The following PTPRD variants were observed in gnomAD, a reference collection of about 807,000 sequenced individuals.
PTPRD encodes receptor-type tyrosine-protein phosphatase delta.
A neutral mutation model predicts 214.5 loss-of-function variants in PTPRD; 34 were observed. The observed-to-expected ratio is 0.16, with a 90% CI of 0.12 to 0.21. The LOEUF (loss-of-function observed/expected upper bound fraction) is 0.21, where lower values mean the gene tolerates loss of function less well. PTPRD is among the 10% of genes least tolerant of loss of function. The probability of loss-of-function intolerance (pLI) is 1.00; values close to 1 mark genes in which losing one functional copy is unlikely to be tolerated. For synonymous variants in PTPRD, 1,128 were observed against 845.7 expected (o/e 1.33, Z -5.79); for missense variants, 2,545 against 2,398.7 (o/e 1.06, Z -1.27).
chr9:9,953,493 G>GACACACACAC (rs59836734), intron 4 of PTPRD, among the ~76,000 whole-genome samples: 3 of 145,226 alleles, frequency 2.1e-5, no homozygotes, highest in African/African-American at 7.5e-5. Context: ...GGGAATTGTG[G>GACACACACAC]ACACACACAC....
chr9:9,946,405 G>A (rs984775491), intron 4 of PTPRD, among the ~76,000 whole-genome samples: 1 of 152,092 alleles, frequency 6.6e-6, no homozygotes, highest in Non-Finnish European at 1.5e-5. Context: ...CATGTAAGAG[G>A]TTATACGTTA....
intron 11 of PTPRD, among the ~76,000 whole-genome samples, chr9:8,796,244 G>C (rs2096417749): frequency 6.6e-6 from 1 of 152,140 alleles, no homozygotes; most frequent in South Asian, 2.1e-4. Context: ...CAAGTTTTAA[G>C]TAAATTTTAA....
intron 5 of PTPRD, among the ~76,000 whole-genome samples, chr9:9,775,700 T>C (rs928257100): frequency 6.6e-6 from 1 of 152,026 alleles, no homozygotes; most frequent in African/African-American, 2.4e-5. Flanking sequence ...TCCCAGCACT[T>C]TGGGAGGCCA....
chr9:9,992,688 A>T (rs950970577), intron 4 of PTPRD, among the ~76,000 whole-genome samples: 1 of 152,128 alleles, frequency 6.6e-6, no homozygotes, highest in African/African-American at 2.4e-5. Context: ...TTACGAGCAA[A>T]CTATGGCAAG....
intron 11 of PTPRD, among the ~76,000 whole-genome samples, chr9:8,997,043 C>G (rs74711829): frequency 0.048 from 7,358 of 152,128 alleles, 606 homozygotes; most frequent in African/African-American, 0.17. Flanking sequence ...AATTCTTCCT[C>G]AGTTTCCTGC....
intron 7 of PTPRD, among the ~76,000 whole-genome samples, chr9:9,625,668 G>A (rs2095404695): frequency 1.3e-5 from 2 of 151,814 alleles, no homozygotes; most frequent in African/African-American, 2.4e-5. Context: ...GTATAACTAC[G>A]GGAAATCTCT....
chr9:10,099,541 C>T (rs1375429026), intron 3 of PTPRD, among the ~76,000 whole-genome samples: 2 of 151,652 alleles, frequency 1.3e-5, no homozygotes, highest in Non-Finnish European at 3.0e-5. Context: ...TTGCAATTAA[C>T]TGAATTATTT....
intron 11 of PTPRD, among the ~76,000 whole-genome samples, chr9:8,764,505 T>C (rs1334837321): frequency 6.6e-6 from 1 of 152,064 alleles, no homozygotes; most frequent in African/African-American, 2.4e-5. Context: ...CTCTAAAGAA[T>C]GGGTTATTTG....
intron 5 of PTPRD, among the ~76,000 whole-genome samples, chr9:9,884,103 G>A (rs1242726283): frequency 6.6e-6 from 1 of 152,058 alleles, no homozygotes; most frequent in Non-Finnish European, 1.5e-5. Flanking sequence ...AGTAAACACA[G>A]CTGAGAATAT....
intron 9 of PTPRD, among the ~76,000 whole-genome samples, chr9:9,194,484 T>C (rs905031521): frequency 8.5e-5 from 13 of 152,170 alleles, no homozygotes; most frequent in Non-Finnish European, 1.8e-4. Flanking sequence ...GAATAATGTG[T>C]TGTGCTACAA....
At chr9:10,267,169 C>A (rs1325360009) in intron 3 of PTPRD, among the ~76,000 whole-genome samples, 25 of 132,060 alleles carry the variant, frequency 1.9e-4, no homozygotes, top group African/African-American at 7.0e-4. Context: ...CCAGCCCGGG[C>A]GACAGAGTGA....
At chr9:9,329,354 A>C (rs1201624869) in intron 9 of PTPRD, among the ~76,000 whole-genome samples, 1 of 152,194 alleles carries the variant, frequency 6.6e-6, no homozygotes, top group African/African-American at 2.4e-5. Context: ...TCATCTTTTC[A>C]TAACTAAGAG....
At chr9:9,417,782 A>G (rs578120294) in intron 8 of PTPRD, among the ~76,000 whole-genome samples, 11 of 152,202 alleles carry the variant, frequency 7.2e-5, no homozygotes, top group African/African-American at 2.4e-4. Flanking sequence ...AATGAGATCA[A>G]CTTGCCAATT....
chr9:8,767,278 C>T (rs763875193), intron 11 of PTPRD, among the ~76,000 whole-genome samples: 6 of 152,134 alleles, frequency 3.9e-5, no homozygotes, highest in African/African-American at 1.4e-4. Flanking sequence ...CCACCACAAC[C>T]AGCTAATTTT....
chr9:8,504,336 A>G lies in PTPRD; in HGVS notation c.1747T>C (p.Phe583Leu). Residue 583 changes from phenylalanine to leucine, a missense_variant, in exon 23 of 46, where the codon TTC (phenylalanine) becomes CTC (leucine). Physicochemically the swap from Phe to Leu is conservative, Grantham distance 22 (BLOSUM62 0). Transcript: ENST00000381196. Reference sequence around the variant, plus strand: ...TGAGGGGAGCGTGCAGCCAGACGGAAATAGTATAAGCTGTTTGGTTTCAGT... The same window carrying G: ...TGAGGGGAGCGTGCAGCCAGACGGAGATAGTATAAGCTGTTTGGTTTCAGT... ...QGLKPNSLYY[F>L]RLAARSPQGL... The G allele has an allele frequency of 6.2e-7, 1 of 1,614,140 alleles. No homozygotes were observed. The highest frequency in any genetic ancestry group is 8.5e-7 in the Non-Finnish European group (1 of 1,179,990).
At chr9:10,425,176 A>G (rs1487773593) in intron 2 of PTPRD, among the ~76,000 whole-genome samples, 1 of 152,000 alleles carries the variant, frequency 6.6e-6, no homozygotes, top group Non-Finnish European at 1.5e-5. Context: ...TAGTAAATAT[A>G]AAATGGCTGC....
At chr9:9,787,399 G>A (rs1260119684) in intron 5 of PTPRD, among the ~76,000 whole-genome samples, 1 of 143,124 alleles carries the variant, frequency 7.0e-6, no homozygotes, top group African/African-American at 2.7e-5. Context: ...CAAGATTCAG[G>A]AAGTGTTTAT....
intron 8 of PTPRD, among the ~76,000 whole-genome samples, chr9:9,420,160 G>C (rs554032366): frequency 5.9e-5 from 9 of 151,680 alleles, no homozygotes; most frequent in African/African-American, 1.7e-4. Context: ...ATTATCAACA[G>C]ATTAATCACT....
rs149590948 is a variant in PTPRD, at chr9:9,712,615, A to G, written c.-287+21918T>C. On this transcript the variant is annotated intron_variant, in intron 7 of 45. Transcript: ENST00000381196. ...TCTTGCTATATAACACATCTATTCT[A>G]TGATACACTGCCATTCTTGAACGTA... Among the ~76,000 whole-genome samples, 883 of 152,310 alleles carry G rather than the reference A, an allele frequency of 5.8e-3. 10 individuals are homozygous for G. Among genetic ancestry groups the G allele is most frequent in the South Asian group, 0.014 (70 of 4,830 alleles).
Sources: allele counts gnomAD v4.1 joint callset (sites outside exome capture counted in the v4.1 genomes callset), GRCh38; gene constraint gnomAD v4.1.1; transcripts MANE v1.5; gene names NCBI Gene and HGNC (gene_info 2026-07-23, HGNC 2026-07-21).